The following SLC44A5 variants were observed in gnomAD, a reference collection of about 807,000 sequenced individuals.
SLC44A5 encodes choline transporter-like protein 5.
SLC44A5 carries 57 observed loss-of-function variants against 101.8 expected under a neutral mutation model. That is an observed-to-expected ratio of 0.56 (90% CI 0.45 to 0.70). The LOEUF is 0.70. Among genes scored for constraint, SLC44A5 ranks in the 30% least tolerant of loss-of-function variants. The pLI is 0.00. For missense variants in SLC44A5, 737 were observed against 853.1 expected, an observed-to-expected ratio of 0.86 and a Z score of 1.70; for synonymous variants, 281 against 290.9, an observed-to-expected ratio of 0.97 and a Z score of 0.35.
At chr1:75,689,921 C>A in the SLC44A5 span, among the ~76,000 whole-genome samples, 26 of 152,258 alleles carry the variant, frequency 1.7e-4, no homozygotes, top group African/African-American at 6.0e-4. Context: ...AGGATTTCAA[C>A]CAATCCCTGC....
upstream of SLC44A5, chr1:75,616,007 T>G (rs1675863588): frequency 2.0e-6 from 1 of 507,136 alleles, no homozygotes; most frequent in African/African-American, 2.1e-5. Context: ...TGATGGCATC[T>G]GCGAGCAGCA....
the SLC44A5 span, among the ~76,000 whole-genome samples, chr1:75,701,742 G>GTA: frequency 6.6e-6 from 1 of 152,106 alleles, no homozygotes; most frequent in Non-Finnish European, 1.5e-5. Context: ...TGACATGATT[G>GTA]TATATCTAGA....
At chr1:75,300,734 T>A (rs1654392678) in intron 4 of SLC44A5, 49 bp from the exon 5 acceptor site, 1 of 1,230,140 alleles carries the variant, frequency 8.1e-7, no homozygotes, top group Non-Finnish European at 1.1e-6. Flanking sequence ...CCAAATGACT[T>A]CCTGTTTCCT....
rs192337938 is a variant in SLC44A5 at position 75,444,451 on chromosome 1, G to C, written c.14-47830C>G. On this transcript the variant is annotated intron_variant, in intron 2 of 23. Coordinates refer to ENST00000370859, the MANE Select transcript of SLC44A5 (RefSeq NM_001130058.2). ...AAAGAAAGACAGAGAAAGAAAGAAAGAAAGAAAAAGAAAAAAAGAAAGAGA... is the reference window on the plus strand; with the variant it reads ...AAAGAAAGACAGAGAAAGAAAGAAACAAAGAAAAAGAAAAAAAGAAAGAGA... Among the ~76,000 whole-genome samples the C allele has an allele frequency of 2.3e-4, 30 of 130,812 alleles. No individual in the cohort carries two copies. In the Admixed American group the frequency reaches 2.4e-3, roughly 10 times the overall value. 85.8% of individuals were successfully genotyped at this position (130,812 alleles called of 152,430 possible). A position where few individuals can be genotyped will look rare whatever the true frequency, so the allele number is the denominator to read the frequency against.
intron 2 of SLC44A5, among the ~76,000 whole-genome samples, chr1:75,536,578 G>A (rs1387089858): frequency 7.7e-6 from 1 of 129,168 alleles, no homozygotes; most frequent in Non-Finnish European, 1.6e-5. Context: ...TCCAGCCTGG[G>A]CGACAGAGCA....
chr1:75,568,478 G>A (rs960307145), intron 1 of SLC44A5, among the ~76,000 whole-genome samples: 14 of 152,138 alleles, frequency 9.2e-5, no homozygotes, highest in Admixed American at 2.0e-4. Flanking sequence ...GACTGGCCCA[G>A]ATACAGGAAA....
intron 1 of SLC44A5, among the ~76,000 whole-genome samples, chr1:75,610,404 G>A (rs911954852): frequency 2.0e-5 from 3 of 152,026 alleles, no homozygotes; most frequent in Non-Finnish European, 2.9e-5. Context: ...TCAAAATACC[G>A]ACAATATTTT....
chr1:75,288,106 A>C (rs903176399), intron 5 of SLC44A5, among the ~76,000 whole-genome samples: 9 of 134,934 alleles, frequency 6.7e-5, no homozygotes, highest in Admixed American at 1.6e-4. Context: ...CAGCAAGCCC[A>C]AAAAAAACTT....
intron 4 of SLC44A5, among the ~76,000 whole-genome samples, chr1:75,308,940 T>G (rs948452133): frequency 1.3e-5 from 2 of 152,126 alleles, no homozygotes; most frequent in African/African-American, 4.8e-5. Context: ...CACCTCAAAT[T>G]TTAATAAGTA....
rs145605958 is a variant in SLC44A5, at chr1:75,557,110, G to A, written c.-69-15594C>T. Among the ~76,000 whole-genome samples, 38 of 152,252 alleles carry A rather than the reference G, an allele frequency of 2.5e-4. No individual in the cohort carries two copies. In the East Asian group the frequency reaches 6.6e-3, roughly 26 times the overall value. ...AAGGTGATTGTAGATAGAAGCCAGA[G>A]CAGCAAATTAGTAATTTCTGCCATT... On this transcript the variant is annotated intron_variant, in intron 1 of 23. Transcript: ENST00000370859.
chr1:75,272,749 T>G (rs925689463), intron 6 of SLC44A5, among the ~76,000 whole-genome samples: 3 of 152,194 alleles, frequency 2.0e-5, no homozygotes, highest in Non-Finnish European at 2.9e-5. Context: ...TTGGTCTATG[T>G]GCCTATTTTT....
the SLC44A5 span, among the ~76,000 whole-genome samples, chr1:75,639,037 C>T: frequency 5.3e-5 from 8 of 151,854 alleles, no homozygotes; most frequent in South Asian, 2.1e-4. Flanking sequence ...GTGATTTCCA[C>T]GGGCTGAGGT....
In SLC44A5 at chr1:75,219,325, C is replaced by A. The variant is rs770654332; in HGVS notation, c.1198G>T (p.Val400Leu). 6.2e-7 allele frequency: 1 copy of A among 1,612,014 alleles called. No homozygotes were observed. Among genetic ancestry groups the A allele is most frequent in the Non-Finnish European group, 8.5e-7 (1 of 1,178,288 alleles). The change falls in exon 16 of 24, where the codon GTA becomes TTA. Residue 400 changes from valine (V) to leucine (L), a missense_variant. Val to Leu is a conservative substitution (Grantham distance 32). Transcript: ENST00000370859. The part of the protein sequence containing the change: ...VTAVFLATSG[V>L]PVYKVIAPGG... The stretch of plus-strand genomic sequence containing the variant: ...GGAGCTATGACTTTGTATACAGGTA[C>A]CCCCGATGTCGCCAAGAAACTGAAT...
intron 2 of SLC44A5, among the ~76,000 whole-genome samples, chr1:75,450,650 T>G (rs1357425798): frequency 6.6e-6 from 1 of 152,142 alleles, no homozygotes. Context: ...CTTGAAGACA[T>G]GAAACGGGTC....
chr1:75,214,555 C>T (rs770980268), intron 20 of SLC44A5, 50 bp downstream of exon 20: 2 of 1,431,342 alleles, frequency 1.4e-6, no homozygotes, highest in South Asian at 1.2e-5. Flanking sequence ...GGATGTAATG[C>T]TCAAGGTTCA....
chr1:75,679,568 A>AT, the SLC44A5 span, among the ~76,000 whole-genome samples: 6 of 151,952 alleles, frequency 3.9e-5, no homozygotes, highest in Non-Finnish European at 7.4e-5. Context: ...ATGCTGAGAG[A>AT]TTTTGTCACC....
chr1:75,520,922 A>G (rs1282291937), intron 2 of SLC44A5, among the ~76,000 whole-genome samples: 9 of 151,934 alleles, frequency 5.9e-5, no homozygotes, highest in Non-Finnish European at 1.3e-4. Flanking sequence ...CATATGTTCA[A>G]GTTTGCTTTG....
intron 4 of SLC44A5, among the ~76,000 whole-genome samples, chr1:75,329,845 C>T (rs1570691641): frequency 6.6e-6 from 1 of 152,064 alleles, no homozygotes; most frequent in African/African-American, 2.4e-5. Context: ...TAAGCCATTG[C>T]AAGAGATAAT....
intron 2 of SLC44A5, among the ~76,000 whole-genome samples, chr1:75,458,055 T>A (rs1666286984): frequency 1.3e-5 from 2 of 152,110 alleles, no homozygotes; most frequent in Non-Finnish European, 2.9e-5. Context: ...AGAATTTCAA[T>A]ATTGTATGAT....
Sources: gnomAD v4.1 joint callset for allele counts (sites outside exome capture counted in the v4.1 genomes callset) on GRCh38, gnomAD v4.1.1 for gene constraint, MANE v1.5 for transcripts, NCBI Gene and HGNC (gene_info 2026-07-23, HGNC 2026-07-21) for gene names.